The following MDM2 variants were observed in gnomAD, a reference collection of about 807,000 sequenced individuals.
The protein encoded by MDM2 is MDM2 proto-oncogene.
In MDM2, 11 loss-of-function variants were observed where a neutral mutation model predicts 64.3. That is an observed-to-expected ratio of 0.17 (90% CI 0.11 to 0.28). The LOEUF (loss-of-function observed/expected upper bound fraction) is 0.28. Among genes scored for constraint, MDM2 ranks in the 10% least tolerant of loss-of-function variants. The pLI is 1.00. For synonymous variants in MDM2, 194 were observed against 192.9 expected (o/e 1.01, Z -0.05); for missense variants, 388 against 577.1 (o/e 0.67, Z 3.36).
chr12:68,839,930 A>G lies in MDM2; in HGVS notation c.*81A>G, dbSNP rs1456777197. The G allele has an allele frequency of 1.6e-6, 2 of 1,283,840 alleles. No homozygotes were observed. The highest frequency in any genetic ancestry group is 1.1e-6 in the Non-Finnish European group (1 of 936,536). The allele number at this position is 1,283,840 out of a possible 1,614,324, so 79.5% of individuals were successfully genotyped here. A position where few individuals can be genotyped will look rare whatever the true frequency, so the allele number is the denominator to read the frequency against. On this transcript the variant is annotated 3_prime_UTR_variant, in exon 11 of 11. Coordinates refer to ENST00000258149, the MANE Select transcript of MDM2 (RefSeq NM_002392.6). The stretch of plus-strand genomic sequence containing the variant: ...GACAACCTGAAATTTATTCACATAT[A>G]TCAAAGTGAGAAAATGCCTCAATTC...
In MDM2 at chr12:68,842,854, C is replaced by T. The variant is rs1213778116; in HGVS notation, c.*3005C>T. 1 of 204,042 alleles carries T rather than the reference C, an allele frequency of 4.9e-6. No individual in the cohort carries two copies. The highest frequency in any genetic ancestry group is 1.0e-5 in the Non-Finnish European group (1 of 99,592). The allele number at this position is 204,042 out of a possible 1,614,324, so 12.6% of individuals were successfully genotyped here. On this transcript the variant is annotated 3_prime_UTR_variant, in exon 11 of 11. Transcript: ENST00000258149. ...TATTAGTGTCTTAGAACAAAATGGC[C>T]TTATATAATGAAGCCTAGTTATGCT...
At position 68,844,696 on chromosome 12, in the gene MDM2, A is replaced by T. The variant is rs1229900715; in HGVS notation, c.*4847A>T. The T allele has an allele frequency of 9.0e-6, 2 of 221,746 alleles. No individual in the cohort carries two copies. The highest frequency in any genetic ancestry group is 1.8e-5 in the Non-Finnish European group (2 of 110,962). The allele number at this position is 221,746 out of a possible 1,614,324, so 13.7% of individuals were successfully genotyped here. A position where few individuals can be genotyped will look rare whatever the true frequency, so the allele number is the denominator to read the frequency against. On this transcript the variant is annotated 3_prime_UTR_variant, in exon 11 of 11. Coordinates refer to ENST00000258149, the MANE Select transcript of MDM2 (RefSeq NM_002392.6). ...TTAAAGCAGGAGCTTGTGGGCCCCTAAGCCAGACGGGGACTAGCTTTTGGC... is the reference window on the plus strand; with the variant it reads ...TTAAAGCAGGAGCTTGTGGGCCCCTTAGCCAGACGGGGACTAGCTTTTGGC...
chr12:68,850,462 A>G (rs191797160), downstream of MDM2: 297 of 152,278 alleles, frequency 2.0e-3, 1 homozygote, highest in African/African-American at 6.7e-3. Flanking sequence ...TAATTTAGCC[A>G]TTTCCTACTC....
intron 7 of MDM2, 147 bp downstream of exon 7, chr12:68,824,798 T>C: frequency 1.6e-6 from 1 of 612,390 alleles, no homozygotes. Flanking sequence ...CGTGATTTTA[T>C]TTGATTTACA....
At chr12:68,832,297 T>C (rs1882857664) in intron 8 of MDM2, among the ~76,000 whole-genome samples, 1 of 152,196 alleles carries the variant, frequency 6.6e-6, no homozygotes, top group Non-Finnish European at 1.5e-5. Context: ...AAACTAAGAC[T>C]GTGTTCTAGA....
intron 9 of MDM2, 136 bp from the exon 10 acceptor site, chr12:68,836,536 C>T: frequency 1.4e-6 from 1 of 691,734 alleles, no homozygotes; most frequent in Admixed American, 2.2e-5. Context: ...TTTACACTCA[C>T]TTACTCTATT....
intron 7 of MDM2, 25 bp downstream of exon 7, chr12:68,824,676 C>T (rs776558865): frequency 5.8e-6 from 8 of 1,369,192 alleles, no homozygotes; most frequent in South Asian, 2.4e-5. Context: ...TTATTTGACG[C>T]ATTCACACAG....
chr12:68,827,722 A>G (rs887119138), intron 7 of MDM2, among the ~76,000 whole-genome samples: 3 of 152,232 alleles, frequency 2.0e-5, no homozygotes, highest in Non-Finnish European at 2.9e-5. Flanking sequence ...AGTATAAGGT[A>G]GTATTCTCAT....
chr12:68,809,575 TG>T (rs1275793936), intron 2 of MDM2, among the ~76,000 whole-genome samples: 1 of 152,148 alleles, frequency 6.6e-6, no homozygotes, highest in Admixed American at 6.5e-5. Flanking sequence ...TTTTCCTTTT[TG>T]ACCTCCCAGT....
At chr12:68,812,785 A>G (rs1219182310) in intron 2 of MDM2, among the ~76,000 whole-genome samples, 1 of 152,120 alleles carries the variant, frequency 6.6e-6, no homozygotes, top group Non-Finnish European at 1.5e-5. Context: ...TTTTACTGGA[A>G]TGCAACCATG....
At chr12:68,825,432 T>TC (rs1444153961) in intron 7 of MDM2, among the ~76,000 whole-genome samples, 2 of 152,086 alleles carry the variant, frequency 1.3e-5, no homozygotes, top group African/African-American at 4.8e-5. Context: ...GGCGGGTGGA[T>TC]CATGAGGTCA....
In MDM2 at chr12:68,841,952, A is replaced by G; in HGVS notation, c.*2103A>G. On this transcript the variant is annotated 3_prime_UTR_variant, in exon 11 of 11. Transcript: ENST00000258149. ...AGAAGTGTTAGTTTCTTTGGGACCC[A>G]TCTACCCTGACCACATCATGATGTT... The G allele has an allele frequency of 5.7e-6, 2 of 353,614 alleles. No homozygotes were observed. Among genetic ancestry groups the G allele is most frequent in the Admixed American group, 4.0e-5 (1 of 25,152 alleles). 21.9% of individuals were successfully genotyped at this position (353,614 alleles called of 1,614,324 possible).
intron 10 of MDM2, among the ~76,000 whole-genome samples, chr12:68,837,433 C>T (rs909274311): frequency 2.0e-5 from 3 of 151,770 alleles, no homozygotes; most frequent in African/African-American, 7.3e-5. Context: ...GATCATGGCT[C>T]ACTGCAGCCC....
downstream of MDM2, chr12:68,846,832 G>GA (rs2136196638): frequency 6.6e-6 from 1 of 151,926 alleles, no homozygotes; most frequent in South Asian, 2.1e-4. Context: ...TGACCTTAGA[G>GA]ACAATAAATC....
rs149115631 is a variant in MDM2 at position 68,832,491 on chromosome 12, C to T, written c.685-3338C>T. Among the ~76,000 whole-genome samples the T allele has an allele frequency of 5.4e-3, 821 of 152,078 alleles. 9 individuals carry two copies. Among genetic ancestry groups the T allele is most frequent in the African/African-American group, 0.018 (748 of 41,472 alleles). On this transcript the variant is annotated intron_variant, in intron 8 of 10. Transcript: ENST00000258149. The stretch of plus-strand genomic sequence containing the variant: ...GATCTAAGATCTTTGCAGAGCAAGC[C>T]TATCTGATGCTTAAAAAAATATATA...
At chr12:68,809,997 C>A (rs1404571612) in intron 2 of MDM2, among the ~76,000 whole-genome samples, 1 of 152,092 alleles carries the variant, frequency 6.6e-6, no homozygotes, top group Non-Finnish European at 1.5e-5. Flanking sequence ...TCCCGTGTGA[C>A]TATTTCTGTA....
rs1342540413 is a variant in MDM2, at chr12:68,840,542, GTCTC to G, written c.*697_*700del. On this transcript the variant is annotated 3_prime_UTR_variant, in exon 11 of 11. Transcript: ENST00000258149. ...TGTTTGTTTGTTTGTTTTGAGATGAGTCTCTCTGTCGCCCAGGCTGGAGTGCAGT... is the reference window on the plus strand; with the variant it reads ...TGTTTGTTTGTTTGTTTTGAGATGAGTCTGTCGCCCAGGCTGGAGTGCAGT... 2 of 188,180 alleles carry G rather than the reference GTCTC, an allele frequency of 1.1e-5. No homozygotes were observed. The highest frequency in any genetic ancestry group is 2.4e-5 in the African/African-American group (1 of 41,300). The allele number at this position is 188,180 out of a possible 1,614,324, so 11.7% of individuals were successfully genotyped here.
Position 68,828,925 on chromosome 12 carries a change from G to A in MDM2, c.678G>A (p.Ser226=), listed in dbSNP as rs748376263. The A allele has an allele frequency of 4.3e-6, 7 of 1,613,848 alleles. No homozygotes were observed. Among genetic ancestry groups the A allele is most frequent in the Admixed American group, 3.3e-5 (2 of 59,984 alleles). ...GCAGTGAATCTACAGGGACGCCATC[G>A]AATCCGGTAATGTTCTCATTTTAAG... The part of the protein sequence containing the change: ...SSSSESTGTP[S]NPDLDAGVSE... Residue 226 remains serine (S), a synonymous_variant, in exon 8 of 11, where the codon TCG becomes TCA. Transcript: ENST00000258149.
intron 3 of MDM2, chr12:68,815,505 G>A (rs1881289427): frequency 6.9e-6 from 1 of 145,920 alleles, no homozygotes; most frequent in South Asian, 1.4e-4. Flanking sequence ...GCAGTGGCAT[G>A]ATCACTGCTC....
Sources: allele counts gnomAD v4.1 joint callset (sites outside exome capture counted in the v4.1 genomes callset), GRCh38; gene constraint gnomAD v4.1.1; transcripts MANE v1.5; gene names NCBI Gene and HGNC (gene_info 2026-07-23, HGNC 2026-07-21).